The following CSTF3 variants were observed in gnomAD, a reference collection of about 807,000 sequenced individuals.
CSTF3 encodes cleavage stimulation factor subunit 3, also known as CF-1 77 kDa subunit.
In CSTF3, 29 loss-of-function variants were observed where a neutral mutation model predicts 105.8. That is an observed-to-expected ratio of 0.27 (90% CI 0.20 to 0.37). The LOEUF is 0.37. CSTF3 is among the 10% of genes least tolerant of loss of function. CSTF3 has a pLI of 1.00. For missense variants in CSTF3, 357 were observed against 879.3 expected (o/e 0.41, Z 7.51); for synonymous variants, 252 against 281.9 (o/e 0.89, Z 1.06).
At chr11:33,091,567 G>A (rs1855169029) in intron 16 of CSTF3, among the ~76,000 whole-genome samples, 1 of 152,146 alleles carries the variant, frequency 6.6e-6, no homozygotes, top group African/African-American at 2.4e-5. Context: ...ACTAACACGA[G>A]ACAAAACCGT....
chr11:33,095,863 A>C (rs528470950), intron 15 of CSTF3, among the ~76,000 whole-genome samples: 6 of 151,044 alleles, frequency 4.0e-5, no homozygotes, highest in African/African-American at 1.5e-4. Flanking sequence ...AATACTAAAA[A>C]CCAAAATGTT....
chr11:33,090,491 G>T (rs1377250930), intron 17 of CSTF3, 41 bp downstream of exon 17: 11 of 1,247,744 alleles, frequency 8.8e-6, no homozygotes, highest in African/African-American at 1.5e-5. Flanking sequence ...TAAAACACTG[G>T]AAAAGTGAGG....
chr11:33,142,113 A>C lies in CSTF3; in HGVS notation c.28-127T>G, dbSNP rs915096334. 6.9e-6 allele frequency: 10 copies of C among 1,459,072 alleles called. No homozygotes were observed. The Middle Eastern group carries it at 5.6e-4, about 82-fold the overall frequency. 90.4% of individuals were successfully genotyped at this position (1,459,072 alleles called of 1,614,324 possible). Reference sequence around the variant, plus strand: ...CAAAGCATAAAAATATCCTCTTATAAAAGAGAAGTGTGTTTCCTAGAACCG... The same window carrying C: ...CAAAGCATAAAAATATCCTCTTATACAAGAGAAGTGTGTTTCCTAGAACCG... On this transcript the variant is annotated intron_variant, in intron 1 of 20. Coordinates refer to ENST00000323959, the MANE Select transcript of CSTF3 (RefSeq NM_001326.3).
rs140523741 is a variant in CSTF3, at chr11:33,135,879, C to T, written c.225+5788G>A. On this transcript the variant is annotated intron_variant, in intron 3 of 20. Transcript: ENST00000323959. ...GTTGCATTTAAATAAAAGGTTGTAA[C>T]TGAACATGTTCTGTCACATGAATAG... Among the ~76,000 whole-genome samples, 43 of 152,214 alleles carry T rather than the reference C, an allele frequency of 2.8e-4. 1 individual carries two copies. The East Asian group carries it at 7.7e-3, about 27-fold the overall frequency.
chr11:33,132,755 C>A (rs919762005), intron 3 of CSTF3, among the ~76,000 whole-genome samples: 6 of 152,058 alleles, frequency 3.9e-5, no homozygotes, highest in African/African-American at 1.2e-4. Context: ...AAACTTTTAA[C>A]GAGTTAAATA....
At chr11:33,105,136 A>C (rs1370197413) in intron 8 of CSTF3, among the ~76,000 whole-genome samples, 2 of 152,248 alleles carry the variant, frequency 1.3e-5, no homozygotes, top group Admixed American at 1.3e-4. Flanking sequence ...AGTAGATACC[A>C]ATAACACAAA....
At chr11:33,138,023 A>G (rs1397702846) in intron 3 of CSTF3, among the ~76,000 whole-genome samples, 1 of 151,790 alleles carries the variant, frequency 6.6e-6, no homozygotes, top group Non-Finnish European at 1.5e-5. Flanking sequence ...AAAAACTGAA[A>G]TGTATGCTAC....
chr11:33,127,194 GCA>G (rs1855552397), intron 3 of CSTF3, among the ~76,000 whole-genome samples: 1 of 152,102 alleles, frequency 6.6e-6, no homozygotes, highest in Non-Finnish European at 1.5e-5. Flanking sequence ...CAGACATTAT[GCA>G]CAAATTTTTA....
intron 3 of CSTF3, among the ~76,000 whole-genome samples, chr11:33,111,799 A>G (rs1390861922): frequency 6.6e-6 from 1 of 152,224 alleles, no homozygotes; most frequent in African/African-American, 2.4e-5. Flanking sequence ...ACTAATACAG[A>G]AAAATTCTCT....
In CSTF3 at chr11:33,099,596, AG is replaced by A. The variant is rs761899438; in HGVS notation, c.936+11del. On this transcript the variant is annotated intron_variant, in intron 11 of 20. Coordinates refer to ENST00000323959, the MANE Select transcript of CSTF3 (RefSeq NM_001326.3). The surrounding 1 kb of genome is among the most constrained non-coding windows in gnomAD (Gnocchi z 4.1). The stretch of plus-strand genomic sequence containing the variant: ...AAAAATATCAAAGTGGGGATAGGGA[AG>A]GAACACTTACTCCCTTTTCTGCGAG... 2 of 1,536,538 alleles carry A rather than the reference AG, an allele frequency of 1.3e-6. No homozygotes were observed. The highest frequency in any genetic ancestry group is 1.4e-5 in the African/African-American group (1 of 73,194).
chr11:33,085,733 C>T lies in CSTF3; in HGVS notation c.1931G>A (p.Arg644Gln), dbSNP rs749330202. The T allele has an allele frequency of 1.1e-5, 17 of 1,613,438 alleles. No individual in the cohort carries two copies. Among genetic ancestry groups the T allele is most frequent in the Admixed American group, 3.3e-5 (2 of 59,984 alleles). ...VQVDELMEIF[R>Q]RCKIPNTVEE... ...CTTACTATTTGGTATCTTGCATCTT[C>T]GGAAAATTTCCATCAGTTCATCCAC... The change falls in exon 20 of 21, where the codon CGA (arginine) becomes CAA (glutamine). Residue 644 changes from arginine (R) to glutamine (Q), a missense_variant. Physicochemically the swap from Arg to Gln is conservative, Grantham distance 43. This residue lies in a region of CSTF3 where 73 missense variants were observed against 105.8 expected (regional missense o/e 0.69). Transcript: ENST00000323959.
intron 3 of CSTF3, among the ~76,000 whole-genome samples, chr11:33,126,835 CAA>C (rs956211505): frequency 1.0e-3 from 158 of 151,994 alleles, no homozygotes; most frequent in African/African-American, 3.5e-3. Context: ...TAGCAACATA[CAA>C]AAGAGACAAA....
chr11:33,143,882 C>G (rs979663710), intron 1 of CSTF3, among the ~76,000 whole-genome samples: 1 of 151,674 alleles, frequency 6.6e-6, no homozygotes, highest in Non-Finnish European at 1.5e-5. Context: ...CCCAGCTACT[C>G]GGGAGGCTAA....
intron 1 of CSTF3, among the ~76,000 whole-genome samples, chr11:33,154,750 C>T (rs1849838110): frequency 6.6e-6 from 1 of 152,122 alleles, no homozygotes; most frequent in Non-Finnish European, 1.5e-5. Context: ...CAGCCTCAGC[C>T]TCCCGAAGTG....
chr11:33,108,825 A>G (rs187779183), intron 3 of CSTF3, among the ~76,000 whole-genome samples: 1 of 152,364 alleles, frequency 6.6e-6, no homozygotes, highest in Admixed American at 6.5e-5. Flanking sequence ...TGGACTACAT[A>G]TAAACATTCA....
intron 1 of CSTF3, among the ~76,000 whole-genome samples, chr11:33,146,160 C>T (rs1400844849): frequency 2.0e-5 from 3 of 152,018 alleles, no homozygotes; most frequent in Non-Finnish European, 4.4e-5. Flanking sequence ...ACTGCTTGAA[C>T]CCAGGCAGCA....
chr11:33,121,427 G>A (rs1340615275), intron 3 of CSTF3, among the ~76,000 whole-genome samples: 1 of 151,810 alleles, frequency 6.6e-6, no homozygotes, highest in East Asian at 1.9e-4. Context: ...CTCCAAACAC[G>A]GCCACATTTA....
At chr11:33,085,649 A>G in intron 20 of CSTF3, 64 bp downstream of exon 20, 1 of 1,376,462 alleles carries the variant, frequency 7.3e-7, no homozygotes, top group Non-Finnish European at 1.0e-6. Flanking sequence ...GAGAATAATA[A>G]TCTCTACTGC....
intron 3 of CSTF3, among the ~76,000 whole-genome samples, chr11:33,111,023 G>A (rs796375042): frequency 6.6e-6 from 1 of 152,276 alleles, no homozygotes; most frequent in African/African-American, 2.4e-5. Context: ...AAGGTCAGGA[G>A]TTCGAGACCA....
Sources: gnomAD v4.1 joint callset for allele counts (sites outside exome capture counted in the v4.1 genomes callset) on GRCh38, gnomAD v4.1.1 for gene constraint, gnomAD v4.1.1 regional missense constraint, Gnocchi (gnomAD v3.1) non-coding constraint, MANE v1.5 for transcripts, NCBI Gene and HGNC (gene_info 2026-07-23, HGNC 2026-07-21) for gene names.